SLIT3: variants seen among roughly 807,000 people sequenced by gnomAD.
SLIT3 encodes slit homolog 3 protein.
In SLIT3, 68 loss-of-function variants were observed where a neutral mutation model predicts 184.0. The observed-to-expected ratio is 0.37, with a 90% CI of 0.30 to 0.45. SLIT3 has a LOEUF of 0.45. Among genes scored for constraint, SLIT3 ranks in the 20% least tolerant of loss-of-function variants. SLIT3 has a pLI of 1.00. For missense variants in SLIT3, 1,707 were observed against 2,026.0 expected, an observed-to-expected ratio of 0.84 and a Z score of 3.02; for synonymous variants, 831 against 828.6, an observed-to-expected ratio of 1.00 and a Z score of -0.05.
Position 168,730,517 on chromosome 5 carries a change from A to G in SLIT3, c.2271-6033T>C, listed in dbSNP as rs192188965. Among the ~76,000 whole-genome samples, 90 of 152,224 alleles carry G rather than the reference A, an allele frequency of 5.9e-4. 1 individual carries two copies. The highest frequency in any genetic ancestry group is 2.1e-3 in the African/African-American group (88 of 41,590). ...AACACATTAAAAAACCTGAAATTATATCAAGTATTTTCTCAGATCACGGTA... is the reference window on the plus strand; with the variant it reads ...AACACATTAAAAAACCTGAAATTATGTCAAGTATTTTCTCAGATCACGGTA... On this transcript the variant is annotated intron_variant, in intron 20 of 35. Transcript: ENST00000519560.
chr5:168,990,002 G>A (rs1755267384), intron 4 of SLIT3, among the ~76,000 whole-genome samples: 1 of 152,226 alleles, frequency 6.6e-6, no homozygotes, highest in Non-Finnish European at 1.5e-5. Flanking sequence ...AAGTTCCACG[G>A]CCGCCTATCC....
intron 4 of SLIT3, among the ~76,000 whole-genome samples, chr5:168,973,072 G>C (rs965440757): frequency 6.6e-6 from 1 of 152,080 alleles, no homozygotes; most frequent in African/African-American, 2.4e-5. Context: ...GCTCCAGCTT[G>C]TCCTTGAAGA....
intron 1 of SLIT3, among the ~76,000 whole-genome samples, chr5:169,257,387 C>T (rs1277644865): frequency 6.7e-6 from 1 of 148,542 alleles, no homozygotes; most frequent in Non-Finnish European, 1.5e-5. Flanking sequence ...CTCCCCGCCC[C>T]CACCCCGCCC....
At chr5:169,102,197 G>C (rs1045653017) in intron 4 of SLIT3, among the ~76,000 whole-genome samples, 1 of 152,204 alleles carries the variant, frequency 6.6e-6, no homozygotes, top group African/African-American at 2.4e-5. Context: ...ATGTGTGTTG[G>C]GGTGGGGATG....
chr5:169,300,427 G>T lies in SLIT3; in HGVS notation c.197+86C>A. 1 of 1,362,324 alleles carries T rather than the reference G, an allele frequency of 7.3e-7. No homozygotes were observed. Among genetic ancestry groups the T allele is most frequent in the East Asian group, 3.1e-5 (1 of 32,316 alleles). 84.4% of individuals were successfully genotyped at this position (1,362,324 alleles called of 1,614,324 possible). A position where few individuals can be genotyped will look rare whatever the true frequency, so the allele number is the denominator to read the frequency against. ...AATAGAGACTGCATCCAGGGAGGCC[G>T]AGGGGAAAGGACGGATCTGGCGCCT... On this transcript the variant is annotated intron_variant, in intron 1 of 35. Transcript: ENST00000519560. The surrounding 1 kb of genome is among the most constrained non-coding windows in gnomAD (Gnocchi z 4.1).
chr5:168,789,517 C>T, intron 11 of SLIT3, 43 bp downstream of exon 11: 2 of 1,505,936 alleles, frequency 1.3e-6, no homozygotes, highest in Non-Finnish European at 9.2e-7. Flanking sequence ...CCTCCAGCGC[C>T]CCCCCTCCCC....
intron 20 of SLIT3, among the ~76,000 whole-genome samples, chr5:168,741,527 T>TGC: frequency 6.7e-6 from 1 of 149,536 alleles, no homozygotes; most frequent in Admixed American, 6.7e-5. Flanking sequence ...GAGGAATGCC[T>TGC]GCTACGGGTT....
At chr5:168,755,451 G>T (rs183475783) in intron 16 of SLIT3, among the ~76,000 whole-genome samples, 17 of 85,244 alleles carry the variant, frequency 2.0e-4, no homozygotes, top group East Asian at 8.6e-4. Context: ...CTTTCTTTTT[G>T]AGACAGAATT....
intron 4 of SLIT3, among the ~76,000 whole-genome samples, chr5:168,912,634 G>A (rs911886881): frequency 3.9e-5 from 6 of 152,020 alleles, no homozygotes; most frequent in African/African-American, 1.5e-4. Context: ...GCAAAGTTTG[G>A]GTGTATATTA....
At chr5:168,753,455 G>T (rs1754786803) in intron 17 of SLIT3, among the ~76,000 whole-genome samples, 1 of 152,220 alleles carries the variant, frequency 6.6e-6, no homozygotes, top group Non-Finnish European at 1.5e-5. Context: ...GTGTGTGCTT[G>T]TGTGTCTGTG....
intron 32 of SLIT3, among the ~76,000 whole-genome samples, chr5:168,677,738 C>T (rs769596942): frequency 1.3e-5 from 2 of 152,326 alleles, no homozygotes; most frequent in Non-Finnish European, 2.9e-5. Flanking sequence ...CGTGAGCCAG[C>T]GTGCCTGGCC....
At chr5:168,831,417 C>A (rs1174132962) in intron 6 of SLIT3, among the ~76,000 whole-genome samples, 1 of 152,150 alleles carries the variant, frequency 6.6e-6, no homozygotes, top group African/African-American at 2.4e-5. Context: ...GTTCCTTGAT[C>A]TCCCTGTGGA....
chr5:169,289,643 T>A (rs1767271771), intron 1 of SLIT3, among the ~76,000 whole-genome samples: 1 of 152,172 alleles, frequency 6.6e-6, no homozygotes, highest in South Asian at 2.1e-4. Flanking sequence ...TGAAATCCAA[T>A]TTCAGGACCT....
intron 4 of SLIT3, among the ~76,000 whole-genome samples, chr5:169,063,592 T>C (rs962205729): frequency 3.3e-5 from 5 of 152,216 alleles, no homozygotes; most frequent in African/African-American, 7.2e-5. Flanking sequence ...GTGGCCACAA[T>C]TGACTTCCTC....
chr5:169,250,193 C>T (rs985733028), intron 2 of SLIT3, among the ~76,000 whole-genome samples: 8 of 152,162 alleles, frequency 5.3e-5, no homozygotes, highest in Non-Finnish European at 1.2e-4. Flanking sequence ...AATAGGGGCT[C>T]ATAATAATGC....
chr5:169,266,911 T>C (rs927305465), intron 1 of SLIT3, among the ~76,000 whole-genome samples: 86 of 152,288 alleles, frequency 5.6e-4, no homozygotes, highest in African/African-American at 1.7e-3. Context: ...TCCTAACACA[T>C]ATTACCTTAA....
intron 10 of SLIT3, 45 bp from the exon 11 acceptor site, chr5:168,789,676 C>T (rs756303827): frequency 9.1e-6 from 13 of 1,423,040 alleles, no homozygotes; most frequent in Admixed American, 1.7e-5. Flanking sequence ...CTCAAAGGTG[C>T]GATAACGGTC....
chr5:168,959,994 G>C (rs982538320), intron 4 of SLIT3, among the ~76,000 whole-genome samples: 1 of 152,218 alleles, frequency 6.6e-6, no homozygotes, highest in Non-Finnish European at 1.5e-5. Flanking sequence ...ACAGCAGTAA[G>C]AGGCAGAGCC....
intron 4 of SLIT3, among the ~76,000 whole-genome samples, chr5:169,063,966 A>G (rs1399251289): frequency 6.6e-6 from 1 of 152,206 alleles, no homozygotes; most frequent in East Asian, 1.9e-4. Flanking sequence ...CTTTTAATTT[A>G]TAGAATGATT....
Sources: allele counts gnomAD v4.1 joint callset (sites outside exome capture counted in the v4.1 genomes callset), GRCh38; gene constraint gnomAD v4.1.1; non-coding constraint Gnocchi (gnomAD v3.1); transcripts MANE v1.5; gene names NCBI Gene and HGNC (gene_info 2026-07-23, HGNC 2026-07-21).